The following RBFOX1 variants were observed in gnomAD, a reference collection of about 807,000 sequenced individuals.
RBFOX1 encodes the protein RNA binding fox-1 homolog 1, also known as RNA binding protein fox-1 homolog 1.
A neutral mutation model predicts 57.7 loss-of-function variants in RBFOX1; 8 were observed. That is an observed-to-expected ratio of 0.14 (90% confidence interval 0.08 to 0.25). The LOEUF is 0.25. Among genes scored for constraint, RBFOX1 ranks in the 10% least tolerant of loss-of-function variants. The pLI is 1.00. For missense variants in RBFOX1, 611 were observed against 548.5 expected (o/e 1.11, Z -1.14); for synonymous variants, 326 against 222.4 (o/e 1.47, Z -4.15).
At chr16:6,642,255 C>A (rs2098497919) in intron 2 of RBFOX1, among the ~76,000 whole-genome samples, 2 of 152,150 alleles carry the variant, frequency 1.3e-5, no homozygotes, top group South Asian at 4.1e-4. Flanking sequence ...GAGAAGTATT[C>A]TTCTTAAAAG....
chr16:7,095,770 C>G (rs1409514556), intron 4 of RBFOX1, among the ~76,000 whole-genome samples: 2 of 152,124 alleles, frequency 1.3e-5, no homozygotes, highest in East Asian at 1.9e-4. Flanking sequence ...CGCCTGTAAT[C>G]CCAGCACTTC....
At chr16:5,818,152 T>C (rs925780316) in intron 3 of RBFOX1, among the ~76,000 whole-genome samples, 2 of 152,204 alleles carry the variant, frequency 1.3e-5, no homozygotes, top group African/African-American at 4.8e-5. Flanking sequence ...ATCCTTAGCA[T>C]TGTTACCAAT....
chr16:6,782,003 C>A (rs1280359923), intron 3 of RBFOX1, among the ~76,000 whole-genome samples: 4 of 151,882 alleles, frequency 2.6e-5, no homozygotes. Flanking sequence ...TTTGTTGCTG[C>A]TGTTGTTGTT....
At chr16:5,665,281 C>A (rs2049803222) in intron 3 of RBFOX1, among the ~76,000 whole-genome samples, 2 of 152,162 alleles carry the variant, frequency 1.3e-5, no homozygotes, top group Admixed American at 1.3e-4. Flanking sequence ...GCCTTTGCAT[C>A]CATGTCCCCT....
chr16:5,686,131 G>C (rs1314649574), intron 3 of RBFOX1, among the ~76,000 whole-genome samples: 1 of 152,160 alleles, frequency 6.6e-6, no homozygotes, highest in Non-Finnish European at 1.5e-5. Context: ...ATCTACGTTG[G>C]ATGTTACTTG....
chr16:7,551,113 AAAG>A (rs978834759), intron 5 of RBFOX1, among the ~76,000 whole-genome samples: 1 of 151,818 alleles, frequency 6.6e-6, no homozygotes, highest in Non-Finnish European at 1.5e-5. Context: ...AAAGAAAAAA[AAAG>A]AATATTTACA....
At chr16:5,824,677 C>T (rs1209330482) in intron 3 of RBFOX1, among the ~76,000 whole-genome samples, 1 of 152,216 alleles carries the variant, frequency 6.6e-6, no homozygotes, top group African/African-American at 2.4e-5. Flanking sequence ...CACAATTAGG[C>T]ATCTTGCCTT....
chr16:6,663,314 G>A (rs951025557), intron 3 of RBFOX1, among the ~76,000 whole-genome samples: 3 of 152,180 alleles, frequency 2.0e-5, no homozygotes, highest in African/African-American at 7.2e-5. Flanking sequence ...CCGTGAGGAA[G>A]AAGAAAGGAG....
chr16:5,972,802 G>A (rs2059989287), intron 4 of RBFOX1, among the ~76,000 whole-genome samples: 1 of 152,306 alleles, frequency 6.6e-6, no homozygotes, highest in Non-Finnish European at 1.5e-5. Flanking sequence ...ACCTTCCTGG[G>A]CACCATGCAC....
chr16:7,474,273 C>G lies in RBFOX1; in HGVS notation c.28-43874C>G, dbSNP rs187373078. On this transcript the variant is annotated intron_variant, in intron 4 of 15. Coordinates refer to ENST00000550418, the MANE Select transcript of RBFOX1 (RefSeq NM_018723.4). Reference sequence around the variant, plus strand: ...TTGCACTCCAGCCTGGGTGACAGGGCGAGACTCCATCTCATGAAAAACAGA... The same window carrying G: ...TTGCACTCCAGCCTGGGTGACAGGGGGAGACTCCATCTCATGAAAAACAGA... 3.5e-3 allele frequency among the ~76,000 whole-genome samples: 531 copies of G among 152,172 alleles called. 2 individuals carry two copies. Among genetic ancestry groups the G allele is most frequent in the Non-Finnish European group, 6.1e-3 (414 of 68,002 alleles).
At chr16:6,590,181 A>G (rs2097690691) in intron 2 of RBFOX1, among the ~76,000 whole-genome samples, 1 of 152,220 alleles carries the variant, frequency 6.6e-6, no homozygotes, top group South Asian at 2.1e-4. Flanking sequence ...CACATGGCAT[A>G]TTCAAATTCT....
chr16:5,274,829 C>T (rs944316508), intron 1 of RBFOX1, among the ~76,000 whole-genome samples: 5 of 152,208 alleles, frequency 3.3e-5, no homozygotes, highest in African/African-American at 1.2e-4. Context: ...CCCTCTGTTT[C>T]CCTTTCTGCC....
intron 3 of RBFOX1, among the ~76,000 whole-genome samples, chr16:5,725,586 C>T (rs937424280): frequency 1.3e-5 from 2 of 151,480 alleles, no homozygotes; most frequent in African/African-American, 4.9e-5. Context: ...ATGTTTCTAT[C>T]ACCAAGGCTC....
At chr16:6,567,162 C>A (rs942165735) in intron 2 of RBFOX1, among the ~76,000 whole-genome samples, 3 of 152,162 alleles carry the variant, frequency 2.0e-5, no homozygotes, top group African/African-American at 7.2e-5. Flanking sequence ...TTGACCCAGT[C>A]TTGGCAGTTT....
intron 3 of RBFOX1, among the ~76,000 whole-genome samples, chr16:6,683,599 G>C (rs1344576558): frequency 6.6e-6 from 1 of 152,184 alleles, no homozygotes; most frequent in Non-Finnish European, 1.5e-5. Context: ...GTGTGTGTAT[G>C]TATATATCTG....
At chr16:6,371,064 G>A (rs913428134) in intron 2 of RBFOX1, among the ~76,000 whole-genome samples, 9 of 152,262 alleles carry the variant, frequency 5.9e-5, no homozygotes, top group East Asian at 1.9e-4. Context: ...CATATTAAGA[G>A]ACACATGATA....
At position 6,767,955 on chromosome 16, in the gene RBFOX1, AGAAG is replaced by A. The variant is rs2077635009; in HGVS notation, c.-16+113306_-16+113309del. On this transcript the variant is annotated intron_variant, in intron 3 of 15. Transcript: ENST00000550418. Reference sequence around the variant, plus strand: ...AATAATAATAATAATAATAAGAAGAAGAAGAAGAAGAAGAAGAAGAAGAAGAAGA... The same window carrying A: ...AATAATAATAATAATAATAAGAAGAAAAGAAGAAGAAGAAGAAGAAGAAGA... Among the ~76,000 whole-genome samples the A allele has an allele frequency of 9.4e-5, 10 of 106,922 alleles. 1 individual carries two copies. The highest frequency in any genetic ancestry group is 1.9e-5 in the Non-Finnish European group (1 of 53,710). The allele number at this position is 106,922 out of a possible 152,430, so 70.1% of individuals were successfully genotyped here.
At chr16:6,230,835 G>T (rs763598800) in intron 1 of RBFOX1, among the ~76,000 whole-genome samples, 7 of 152,180 alleles carry the variant, frequency 4.6e-5, no homozygotes, top group African/African-American at 7.2e-5. Flanking sequence ...AAATGCTAAA[G>T]AAACATATAC....
intron 3 of RBFOX1, among the ~76,000 whole-genome samples, chr16:5,766,673 C>A (rs1419071957): frequency 1.3e-5 from 2 of 152,126 alleles, no homozygotes; most frequent in Admixed American, 6.5e-5. Flanking sequence ...TGAGGGATCC[C>A]CCCCCAGGAC....
Sources: allele counts gnomAD v4.1 joint callset (sites outside exome capture counted in the v4.1 genomes callset), GRCh38; gene constraint gnomAD v4.1.1; transcripts MANE v1.5; gene names NCBI Gene and HGNC (gene_info 2026-07-23, HGNC 2026-07-21).